The following GTF2I variants were observed in gnomAD, a reference collection of about 807,000 sequenced individuals.
The protein encoded by GTF2I is general transcription factor IIi.
A neutral mutation model predicts 67.6 loss-of-function variants in GTF2I; 12 were observed. The observed-to-expected ratio is 0.18, with a 90% CI of 0.11 to 0.29. The LOEUF (loss-of-function observed/expected upper bound fraction) is 0.29. Among genes scored for constraint, GTF2I ranks in the 10% least tolerant of loss-of-function variants. The pLI is 1.00. For synonymous variants in GTF2I, 149 were observed against 197.0 expected, an observed-to-expected ratio of 0.76 and a Z score of 2.04; for missense variants, 271 against 580.1, an observed-to-expected ratio of 0.47 and a Z score of 5.47.
chr7:74,710,711 G>T (rs1296763659), intron 8 of GTF2I, among the ~76,000 whole-genome samples: 2 of 152,100 alleles, frequency 1.3e-5, no homozygotes, highest in African/African-American at 2.4e-5. Flanking sequence ...TGTTTCAATG[G>T]TTTATAAAAG....
intron 1 of GTF2I, chr7:74,687,514 C>G: frequency 1.0e-6 from 1 of 980,570 alleles, no homozygotes; most frequent in South Asian, 4.7e-5. Context: ...TGAGCCACCA[C>G]GCCCAGTGGA....
chr7:74,696,624 C>T (rs1164834191), intron 3 of GTF2I, among the ~76,000 whole-genome samples: 3 of 152,030 alleles, frequency 2.0e-5, no homozygotes, highest in Non-Finnish European at 4.4e-5. Context: ...TCCCAAGTAG[C>T]TGGGACTACA....
chr7:74,685,788 C>T (rs903650266), intron 1 of GTF2I, among the ~76,000 whole-genome samples: 3 of 151,598 alleles, frequency 2.0e-5, no homozygotes, highest in Non-Finnish European at 4.4e-5. Flanking sequence ...AAAAAAAGTC[C>T]GGGGGCGATG....
chr7:74,718,632 T>C (rs1417829590), intron 11 of GTF2I, among the ~76,000 whole-genome samples: 3 of 152,250 alleles, frequency 2.0e-5, no homozygotes, highest in African/African-American at 7.2e-5. Flanking sequence ...TGGGATTTTT[T>C]TGAGTCAATT....
intron 11 of GTF2I, among the ~76,000 whole-genome samples, chr7:74,718,038 G>C (rs1792473889): frequency 6.6e-6 from 1 of 152,200 alleles, no homozygotes; most frequent in Admixed American, 6.5e-5. Flanking sequence ...ACAAGACCTA[G>C]GTAATAGATC....
At chr7:74,667,602 G>A (rs781910938) in intron 1 of GTF2I, among the ~76,000 whole-genome samples, 3 of 151,250 alleles carry the variant, frequency 2.0e-5, no homozygotes, top group African/African-American at 4.9e-5. Context: ...TGTAACCTTC[G>A]TGTCCTAGGG....
At chr7:74,730,751 C>T (rs1794402394) in intron 14 of GTF2I, among the ~76,000 whole-genome samples, 1 of 93,556 alleles carries the variant, frequency 1.1e-5, no homozygotes, top group Non-Finnish European at 1.9e-5. Flanking sequence ...GAGACGGAGT[C>T]TCTGCATTGC....
intron 3 of GTF2I, 113 bp downstream of exon 3, chr7:74,691,224 G>A: frequency 1.5e-6 from 1 of 646,732 alleles, no homozygotes; most frequent in Non-Finnish European, 2.3e-6. Flanking sequence ...TTTTTTTTTT[G>A]AGATGGAGTT....
chr7:74,679,791 T>C (rs1182258259), intron 1 of GTF2I, among the ~76,000 whole-genome samples: 1 of 151,948 alleles, frequency 6.6e-6, no homozygotes, highest in Non-Finnish European at 1.5e-5. Context: ...GTTAAAGAAC[T>C]AACTCTAGGC....
intron 1 of GTF2I, among the ~76,000 whole-genome samples, chr7:74,676,268 CTGAT>C (rs1422308668): frequency 3.9e-5 from 6 of 152,132 alleles, no homozygotes; most frequent in Admixed American, 2.0e-4. Flanking sequence ...GAAAGACAAA[CTGAT>C]AGGGTCAGCA....
chr7:74,678,096 C>T (rs1299282309), intron 1 of GTF2I, among the ~76,000 whole-genome samples: 1 of 151,966 alleles, frequency 6.6e-6, no homozygotes, highest in Non-Finnish European at 1.5e-5. Context: ...ACTCTGTCAC[C>T]CAGGCTGGAG....
intron 12 of GTF2I, among the ~76,000 whole-genome samples, chr7:74,724,710 C>T (rs2131479281): frequency 6.6e-6 from 1 of 152,226 alleles, no homozygotes; most frequent in South Asian, 2.1e-4. Flanking sequence ...CACCTGAGGT[C>T]AGGAGTTTGA....
intron 1 of GTF2I, among the ~76,000 whole-genome samples, chr7:74,667,705 T>C (rs1805102332): frequency 6.6e-6 from 1 of 151,166 alleles, no homozygotes; most frequent in African/African-American, 2.4e-5. Flanking sequence ...TTTGTGGAGA[T>C]GGGGGTCTCA....
rs1245034426 is a variant in GTF2I at position 74,718,371 on chromosome 7, A to C, written c.881-508A>C. Among the ~76,000 whole-genome samples, 3 of 152,232 alleles carry C rather than the reference A, an allele frequency of 2.0e-5. No individual in the cohort carries two copies. The East Asian group carries it at 5.8e-4, about 29-fold the overall frequency. On this transcript the variant is annotated intron_variant, in intron 11 of 34. Transcript: ENST00000573035. ...ATATGAATGAACTTTGTAATTTTTG[A>C]AATATGTTGCATACAAAGCCAGAGG...
chr7:74,726,409 C>T (rs1264051414), intron 12 of GTF2I: 1 of 152,134 alleles, frequency 6.6e-6, no homozygotes, highest in Admixed American at 6.5e-5. Context: ...TCCAAACTTA[C>T]ACACTTCTGT....
intron 1 of GTF2I, among the ~76,000 whole-genome samples, chr7:74,667,527 G>T (rs1028359163): frequency 4.4e-4 from 67 of 151,810 alleles, no homozygotes; most frequent in African/African-American, 2.2e-4. Context: ...CTTTTTTTGT[G>T]GGGGGAGGGA....
intron 1 of GTF2I, among the ~76,000 whole-genome samples, chr7:74,664,016 A>T (rs1368921588): frequency 6.6e-6 from 1 of 151,778 alleles, no homozygotes; most frequent in Non-Finnish European, 1.5e-5. Context: ...TTTAGTAGAG[A>T]CGGGGTTTCA....
chr7:74,698,905 TA>T, intron 3 of GTF2I, 55 bp from the exon 4 acceptor site: 1 of 830,144 alleles, frequency 1.2e-6, no homozygotes, highest in African/African-American at 1.8e-5. Context: ...AATATTAAGG[TA>T]ATGGATATGG....
At chr7:74,703,144 A>G (rs1328899686) in intron 6 of GTF2I, among the ~76,000 whole-genome samples, 2 of 151,816 alleles carry the variant, frequency 1.3e-5, no homozygotes, top group Admixed American at 6.6e-5. Context: ...TGTTTTTTAT[A>G]TAGTCTTGAT....
Sources: allele counts gnomAD v4.1 joint callset (sites outside exome capture counted in the v4.1 genomes callset), GRCh38; gene constraint gnomAD v4.1.1; transcripts MANE v1.5; gene names NCBI Gene and HGNC (gene_info 2026-07-23, HGNC 2026-07-21).